Variants in DMXL1 observed in about 807,000 individuals in gnomAD.
The protein encoded by DMXL1 is Dmx like 1.
In DMXL1, 99 loss-of-function variants were observed where a neutral mutation model predicts 319.2. That is an observed-to-expected ratio of 0.31 (90% CI 0.26 to 0.37). The LOEUF (loss-of-function observed/expected upper bound fraction) is 0.37, where lower values mean the gene tolerates loss of function less well. DMXL1 is among the 10% of genes least tolerant of loss of function. DMXL1 has a pLI of 1.00. For missense variants in DMXL1, 3,745 were observed against 3,595.6 expected, an observed-to-expected ratio of 1.04 and a Z score of -1.06; for synonymous variants, 1,385 against 1,235.2, an observed-to-expected ratio of 1.12 and a Z score of -2.54.
chr5:119,096,829 C>T (rs903657081), intron 1 of DMXL1, among the ~76,000 whole-genome samples: 1 of 152,202 alleles, frequency 6.6e-6, no homozygotes, highest in African/African-American at 2.4e-5. Flanking sequence ...AAATTAAATG[C>T]TTCATTTATT....
chr5:119,173,776 G>GTGTGTGTGTGTGTATATATA, intron 25 of DMXL1, among the ~76,000 whole-genome samples: 1 of 67,170 alleles, frequency 1.5e-5, no homozygotes, highest in African/African-American at 5.6e-5. Context: ...ATGTGTGTGT[G>GTGTGTGTGTGTGTATATATA]TATATATATA....
intron 1 of DMXL1, among the ~76,000 whole-genome samples, chr5:119,075,326 G>A (rs759407351): frequency 2.1e-5 from 3 of 146,282 alleles, no homozygotes; most frequent in Non-Finnish European, 3.0e-5. Flanking sequence ...TGCAACCTCC[G>A]CCTCCCGGGT....
chr5:119,174,512 G>C (rs1775403113), intron 25 of DMXL1, among the ~76,000 whole-genome samples: 1 of 152,136 alleles, frequency 6.6e-6, no homozygotes, highest in African/African-American at 2.4e-5. Context: ...ACGTTTTATT[G>C]ACATTTGAAG....
chr5:119,244,287 C>T, intron 42 of DMXL1, 72 bp from the exon 43 acceptor site: 2 of 1,259,074 alleles, frequency 1.6e-6, no homozygotes, highest in South Asian at 2.9e-5. Flanking sequence ...TATTATTTCA[C>T]TTTAGCCAAA....
chr5:119,124,197 C>T (rs1372309099), intron 9 of DMXL1, among the ~76,000 whole-genome samples: 1 of 151,704 alleles, frequency 6.6e-6, no homozygotes, highest in Non-Finnish European at 1.5e-5. Flanking sequence ...CACCTGTAGT[C>T]CCAGCTACTT....
intron 31 of DMXL1, among the ~76,000 whole-genome samples, chr5:119,197,015 T>C (rs934356263): frequency 1.3e-5 from 2 of 152,202 alleles, no homozygotes; most frequent in African/African-American, 4.8e-5. Flanking sequence ...GTATTAAGCA[T>C]GTTATTTAGA....
At chr5:119,193,795 T>A in intron 29 of DMXL1, 33 bp from the exon 30 acceptor site, 1 of 1,597,544 alleles carries the variant, frequency 6.3e-7, no homozygotes. Context: ...ATTAGATATG[T>A]GGCTGCTAAA....
intron 1 of DMXL1, chr5:119,081,647 G>A: frequency 1.0e-6 from 1 of 985,242 alleles, no homozygotes; most frequent in Non-Finnish European, 1.2e-6. Context: ...ATATAGAGCC[G>A]CAGAAACAAA....
At chr5:119,091,202 C>CATTT (rs562386773) in intron 1 of DMXL1, among the ~76,000 whole-genome samples, 1,560 of 151,540 alleles carry the variant, frequency 0.01, 21 homozygotes, top group South Asian at 0.027. Flanking sequence ...CTGTTTGCTG[C>CATTT]ATTTATTTAT....
At chr5:119,090,952 G>T (rs1336539647) in intron 1 of DMXL1, among the ~76,000 whole-genome samples, 3 of 151,680 alleles carry the variant, frequency 2.0e-5, no homozygotes, top group African/African-American at 7.3e-5. Context: ...AGCCTCTAAT[G>T]AATTTTTCAG....
chr5:119,226,481 T>C (rs1468580079), intron 38 of DMXL1, among the ~76,000 whole-genome samples: 1 of 152,212 alleles, frequency 6.6e-6, no homozygotes, highest in Non-Finnish European at 1.5e-5. Flanking sequence ...TTTATAATTT[T>C]CTGAGTAGAA....
chr5:119,071,213 C>T lies in DMXL1; in HGVS notation c.-357C>T, dbSNP rs948875339. ...CTCGGGCTGGGTCAGGAGCGGCTGC[C>T]CGAGGTCCAGAGGAAGTGTGTGGAC... On this transcript the variant is annotated 5_prime_UTR_variant, in exon 1 of 44. Transcript: ENST00000539542. The T allele has an allele frequency of 1.8e-5, 5 of 276,872 alleles. No homozygotes were observed. The highest frequency in any genetic ancestry group is 7.0e-5 in the African/African-American group (3 of 42,706). 17.2% of individuals were successfully genotyped at this position (276,872 alleles called of 1,614,324 possible).
intron 1 of DMXL1, among the ~76,000 whole-genome samples, chr5:119,073,809 A>G (rs1229066352): frequency 2.0e-5 from 3 of 152,102 alleles, no homozygotes; most frequent in Admixed American, 6.5e-5. Flanking sequence ...GCTTACGCTC[A>G]TTATCCTGGA....
Position 119,113,242 on chromosome 5 carries a change from TTTG to T in DMXL1, c.498-1218_498-1216del, listed in dbSNP as rs374912282. ...TATGCAAAGATGTTCATGACATATTTTTGTTGTTGTTGTTGTTCGAGACGGAGT... is the reference window on the plus strand; with the variant it reads ...TATGCAAAGATGTTCATGACATATTTTTGTTGTTGTTGTTCGAGACGGAGT... On this transcript the variant is annotated intron_variant, in intron 5 of 43. Transcript: ENST00000539542. 3.4e-3 allele frequency among the ~76,000 whole-genome samples: 511 copies of T among 152,168 alleles called. 8 individuals carry two copies. The highest frequency in any genetic ancestry group is 0.014 in the Middle Eastern group (4 of 294).
intron 34 of DMXL1, among the ~76,000 whole-genome samples, chr5:119,208,435 A>G (rs934117553): frequency 1.3e-5 from 2 of 151,906 alleles, no homozygotes; most frequent in African/African-American, 4.8e-5. Context: ...GCTGGTCTTG[A>G]ACTCCCAACG....
chr5:119,071,684 C>T, intron 1 of DMXL1, 28 bp downstream of exon 1: 1 of 1,545,152 alleles, frequency 6.5e-7, no homozygotes. Context: ...TCGCGTCGCC[C>T]GTGGCCCGGC....
In DMXL1 at chr5:119,165,375, G is replaced by A. The variant is rs1002943566; in HGVS notation, c.4970+95G>A. 5 of 649,502 alleles carry A rather than the reference G, an allele frequency of 7.7e-6. No individual in the cohort carries two copies. In the African/African-American group the frequency reaches 9.2e-5, roughly 12 times the overall value. 40.2% of individuals were successfully genotyped at this position (649,502 alleles called of 1,614,324 possible). A position where few individuals can be genotyped will look rare whatever the true frequency, so the allele number is the denominator to read the frequency against. On this transcript the variant is annotated intron_variant, in intron 21 of 43. Transcript: ENST00000539542. ...AGTAAGATTTGTTGTTCTTGTTGAT[G>A]TTGATTCATGTAGATTCTTAGTTGT...
intron 42 of DMXL1, among the ~76,000 whole-genome samples, chr5:119,243,261 A>G (rs1247143654): frequency 1.3e-5 from 2 of 152,216 alleles, no homozygotes; most frequent in African/African-American, 4.8e-5. Flanking sequence ...AAGTCTTACA[A>G]TAATAACTAA....
chr5:119,172,452 G>T (rs1774781889), intron 25 of DMXL1, among the ~76,000 whole-genome samples: 1 of 152,188 alleles, frequency 6.6e-6, no homozygotes, highest in South Asian at 2.1e-4. Context: ...AGAATCAGCT[G>T]CAGTGCTTGT....
Sources: allele counts gnomAD v4.1 joint callset (sites outside exome capture counted in the v4.1 genomes callset), GRCh38; gene constraint gnomAD v4.1.1; transcripts MANE v1.5; gene names NCBI Gene and HGNC (gene_info 2026-07-23, HGNC 2026-07-21).